ARID1B: variants seen among roughly 807,000 people sequenced by gnomAD.
ARID1B encodes AT-rich interaction domain 1B.
In ARID1B, 30 loss-of-function variants were observed where a neutral mutation model predicts 212.3. That is an observed-to-expected ratio of 0.14 (90% CI 0.11 to 0.19). ARID1B has a LOEUF of 0.19. ARID1B is among the 10% of genes least tolerant of loss of function. The pLI is 1.00. For synonymous variants in ARID1B, 1,402 were observed against 1,301.7 expected (o/e 1.08, Z -1.66); for missense variants, 2,891 against 3,204.0 (o/e 0.90, Z 2.36).
Position 156,869,303 on chromosome 6 carries a change from G to GT in ARID1B, c.1987-32067dup, listed in dbSNP as rs199500370. On this transcript the variant is annotated intron_variant, in intron 2 of 19. Coordinates refer to ENST00000636930, the MANE Select transcript of ARID1B (RefSeq NM_001374828.1). Reference sequence around the variant, plus strand: ...TTGTCTCTCTGTCATAGGTCATCGTGTTTTTTGGTATAGTTCATTCATCTT... The same window carrying GT: ...TTGTCTCTCTGTCATAGGTCATCGTGTTTTTTTGGTATAGTTCATTCATCTT... Among the ~76,000 whole-genome samples the GT allele has an allele frequency of 8.3e-3, 1,267 of 152,234 alleles. 36 individuals carry two copies. Among genetic ancestry groups the GT allele is most frequent in the Non-Finnish European group, 6.9e-3 (471 of 68,008 alleles).
intron 17 of ARID1B, 39 bp downstream of exon 17, chr6:157,198,946 G>T: frequency 6.6e-7 from 1 of 1,508,716 alleles, no homozygotes; most frequent in Non-Finnish European, 9.0e-7. Flanking sequence ...GTGTTTTCTG[G>T]TTCTGTCCTG....
chr6:156,994,544 C>A (rs1479840715), intron 4 of ARID1B, among the ~76,000 whole-genome samples: 1 of 151,888 alleles, frequency 6.6e-6, no homozygotes, highest in African/African-American at 2.4e-5. Context: ...AGGTAAAAAC[C>A]AGTCCTCATT....
intron 4 of ARID1B, among the ~76,000 whole-genome samples, chr6:157,000,623 G>A (rs1156632827): frequency 6.6e-6 from 1 of 151,776 alleles, no homozygotes. Flanking sequence ...CAGCATTTTG[G>A]GGGTAGAGTG....
chr6:156,790,870 A>T (rs1034290999), intron 1 of ARID1B, among the ~76,000 whole-genome samples: 3 of 152,204 alleles, frequency 2.0e-5, no homozygotes, highest in Non-Finnish European at 2.9e-5. Flanking sequence ...TAGAAGCACC[A>T]GTGTTTTATT....
intron 1 of ARID1B, among the ~76,000 whole-genome samples, chr6:156,806,536 T>C (rs1464445510): frequency 6.6e-6 from 1 of 152,250 alleles, no homozygotes; most frequent in South Asian, 2.1e-4. Flanking sequence ...TACAGATGAT[T>C]TAATAATTTC....
rs142237940 is a variant in ARID1B, at chr6:156,989,744, T to G, written c.2247+54168T>G. ...TAGCAATGTTTGCTGATTTATTAAGTGTACATCCAATAAATGCCTTGTCAA... is the reference window on the plus strand; with the variant it reads ...TAGCAATGTTTGCTGATTTATTAAGGGTACATCCAATAAATGCCTTGTCAA... On this transcript the variant is annotated intron_variant, in intron 4 of 19. Coordinates refer to ENST00000636930, the MANE Select transcript of ARID1B (RefSeq NM_001374828.1). 3.0e-3 allele frequency among the ~76,000 whole-genome samples: 453 copies of G among 152,320 alleles called. 4 individuals carry two copies. The highest frequency in any genetic ancestry group is 0.01 in the African/African-American group (431 of 41,556).
At chr6:157,090,303 T>C (rs1785199620) in intron 5 of ARID1B, among the ~76,000 whole-genome samples, 1 of 152,234 alleles carries the variant, frequency 6.6e-6, no homozygotes. Context: ...TGGCTACTTT[T>C]GTTTATAAAA....
intron 4 of ARID1B, among the ~76,000 whole-genome samples, chr6:156,982,179 C>A (rs1350711003): frequency 6.6e-6 from 1 of 152,060 alleles, no homozygotes; most frequent in Admixed American, 6.6e-5. Flanking sequence ...TTTCAAAACA[C>A]CTTTACTATA....
intron 12 of ARID1B, among the ~76,000 whole-genome samples, chr6:157,182,369 G>T (rs1057119797): frequency 6.6e-6 from 1 of 152,232 alleles, no homozygotes; most frequent in African/African-American, 2.4e-5. Flanking sequence ...ATTTGCCACT[G>T]GTTCTGGAGT....
At chr6:157,186,445 G>C (rs549976963) in intron 13 of ARID1B, 59 of 471,086 alleles carry the variant, frequency 1.3e-4, no homozygotes, top group South Asian at 8.8e-4. Flanking sequence ...CGTGCAGGGG[G>C]CTCCAGGCAC....
intron 4 of ARID1B, among the ~76,000 whole-genome samples, chr6:157,010,443 C>T (rs1323473091): frequency 6.6e-6 from 1 of 151,914 alleles, no homozygotes; most frequent in East Asian, 1.9e-4. Context: ...CTGCCTCAGC[C>T]TCCCGAGTAG....
At chr6:156,927,391 C>T (rs1240139715) in intron 3 of ARID1B, among the ~76,000 whole-genome samples, 1 of 152,086 alleles carries the variant, frequency 6.6e-6, no homozygotes, top group Non-Finnish European at 1.5e-5. Flanking sequence ...TTGCTTGGAC[C>T]TTTTTATTTC....
chr6:157,152,203 A>G (rs978005643), intron 8 of ARID1B: 6 of 152,206 alleles, frequency 3.9e-5, no homozygotes, highest in Non-Finnish European at 7.3e-5. Context: ...AGACCCACAA[A>G]GCTAGTTTGA....
Position 157,207,294 on chromosome 6 carries a change from C to T in ARID1B, c.6522C>T (p.Gly2174=). Reference sequence around the variant, plus strand: ...GCATCTGCTTGCCAATTTTGGATGGCTTGCTGCACTGGATGGTGTGCCCGT... The same window carrying T: ...GCATCTGCTTGCCAATTTTGGATGGTTTGCTGCACTGGATGGTGTGCCCGT... ...TESICLPILD[G]LLHWMVCPSA... The change falls in exon 20 of 20, where the codon GGC becomes GGT. Residue 2174 remains glycine, a synonymous_variant. Transcript: ENST00000636930. This position sits in a 1 kb window ranked among gnomAD's most constrained non-coding sequence, Gnocchi z 8.5. The T allele has an allele frequency of 6.2e-7, 1 of 1,614,086 alleles. No individual in the cohort carries two copies. The highest frequency in any genetic ancestry group is 8.5e-7 in the Non-Finnish European group (1 of 1,179,968).
intron 2 of ARID1B, among the ~76,000 whole-genome samples, chr6:156,858,117 T>A (rs574058701): frequency 6.6e-6 from 1 of 151,704 alleles, no homozygotes; most frequent in African/African-American, 2.4e-5. Context: ...GTGTAATAAG[T>A]CAGGCACAGA....
intron 5 of ARID1B, among the ~76,000 whole-genome samples, chr6:157,107,330 G>A (rs1170209422): frequency 6.6e-6 from 1 of 152,052 alleles, no homozygotes; most frequent in East Asian, 1.9e-4. Flanking sequence ...GAGGTCTTTA[G>A]GTAAGCTTCT....
intron 5 of ARID1B, among the ~76,000 whole-genome samples, chr6:157,095,885 C>T (rs1785588161): frequency 6.6e-6 from 1 of 152,078 alleles, no homozygotes; most frequent in African/African-American, 2.4e-5. Context: ...GAGAAGCGAG[C>T]CTCAGTGGAT....
At chr6:156,834,708 T>C (rs1299294631) in intron 2 of ARID1B, among the ~76,000 whole-genome samples, 1 of 152,240 alleles carries the variant, frequency 6.6e-6, no homozygotes, top group Non-Finnish European at 1.5e-5. Context: ...GATTTGCTTG[T>C]ACACCTGAAA....
chr6:157,000,669 C>T (rs1778854348), intron 4 of ARID1B, among the ~76,000 whole-genome samples: 1 of 147,494 alleles, frequency 6.8e-6, no homozygotes, highest in African/African-American at 2.5e-5. Flanking sequence ...GATTTACACC[C>T]TTTCTAAACA....
Sources: allele counts gnomAD v4.1 joint callset (sites outside exome capture counted in the v4.1 genomes callset), GRCh38; gene constraint gnomAD v4.1.1; non-coding constraint Gnocchi (gnomAD v3.1); transcripts MANE v1.5; gene names NCBI Gene and HGNC (gene_info 2026-07-23, HGNC 2026-07-21).